ITPR3: variants seen among roughly 807,000 people sequenced by gnomAD.
The protein encoded by ITPR3 is inositol 1,4,5-trisphosphate receptor type 3.
In ITPR3, 173 loss-of-function variants were observed where a neutral mutation model predicts 293.2. The ratio of observed to expected loss-of-function variants is 0.59; its 90% CI spans 0.52 to 0.67. The LOEUF is 0.67. Among genes scored for constraint, ITPR3 ranks in the 30% least tolerant of loss-of-function variants. The probability of loss-of-function intolerance (pLI) is 0.00; values close to 1 mark genes in which losing one functional copy is unlikely to be tolerated. For missense variants in ITPR3, 2,796 were observed against 3,592.1 expected (o/e 0.78, Z 5.66); for synonymous variants, 1,295 against 1,444.4 (o/e 0.90, Z 2.35).
In ITPR3 at chr6:33,670,363, G is replaced by T. The variant is rs1764722246; in HGVS notation, c.2228G>T (p.Arg743Leu). 2.5e-6 allele frequency: 4 copies of T among 1,614,040 alleles called. 1 individual carries two copies. The highest frequency in any genetic ancestry group is 3.4e-6 in the Non-Finnish European group (4 of 1,180,038). Reference protein sequence around the residue: ...LKLFARMCLDRQYLAIDEISQ... With the variant: ...LKLFARMCLDLQYLAIDEISQ... ...CTCTTTGCCCGCATGTGCTTGGACC[G>T]CCAGTACTTGGCCATCGACGAGATC... The change falls in exon 19 of 58, where the codon CGC becomes CTC. Residue 743 changes from arginine (R) to leucine (L), a missense_variant. Arg to Leu is a moderately radical substitution (Grantham distance 102). Transcript: ENST00000605930. This position sits in a 1 kb window ranked among gnomAD's most constrained non-coding sequence, Gnocchi z 6.7.
rs1400035223 is a variant in ITPR3, at chr6:33,692,202, ACAG to A, written c.7458+278_7458+280del. Among the ~76,000 whole-genome samples, 1 of 152,220 alleles carries A rather than the reference ACAG, an allele frequency of 6.6e-6. No homozygotes were observed. Among genetic ancestry groups the A allele is most frequent in the Non-Finnish European group, 1.5e-5 (1 of 68,040 alleles). On this transcript the variant is annotated intron_variant, in intron 54 of 57. Coordinates refer to ENST00000605930, the MANE Select transcript of ITPR3 (RefSeq NM_002224.4). The surrounding 1 kb of genome is among the most constrained non-coding windows in gnomAD (Gnocchi z 4.2). Reference sequence around the variant, plus strand: ...TGGTGACCACTGGCTTTCCTAGCCCACAGCAGGTGGGCAGAGGGCGGAGCTGAG... The same window carrying A: ...TGGTGACCACTGGCTTTCCTAGCCCACAGGTGGGCAGAGGGCGGAGCTGAG...
At position 33,632,122 on chromosome 6, in the gene ITPR3, G is replaced by A. The variant is rs1763698023; in HGVS notation, c.90-8362G>A. On this transcript the variant is annotated intron_variant, in intron 1 of 57. Transcript: ENST00000605930. The surrounding 1 kb of genome is among the most constrained non-coding windows in gnomAD (Gnocchi z 4.1). ...ACCCACAGCCAGTGTCTGGGGCTGG[G>A]AGCCAGAAGACCTGGGATCTGGAAC... 6.6e-6 allele frequency among the ~76,000 whole-genome samples: 1 copy of A among 152,050 alleles called. No individual in the cohort carries two copies. The highest frequency in any genetic ancestry group is 2.1e-4 in the South Asian group (1 of 4,818).
In ITPR3 at chr6:33,640,539, C is replaced by G; in HGVS notation, c.145C>G (p.Pro49Ala). ...CGCGGCCGGGGACCTGGACAACCCC[C>G]CTAAGAAGTTCCGTGGTAAGACCTC... is the stretch of plus-strand genomic sequence containing the variant. The part of the protein sequence containing the change: ...EPAAGDLDNP[P>A]KKFRDCLFKV... The change falls in exon 2 of 58, where the codon CCT becomes GCT. Residue 49 changes from proline to alanine, a missense_variant. Pro to Ala is a conservative substitution (Grantham distance 27, BLOSUM62 -1). Around this residue, in one of 8 missense-constraint regions of ITPR3, gnomAD observed 53 missense variants for 45.7 expected, o/e 1.16. Coordinates refer to ENST00000605930, the MANE Select transcript of ITPR3 (RefSeq NM_002224.4). 1 of 1,613,356 alleles carries G rather than the reference C, an allele frequency of 6.2e-7. No individual in the cohort carries two copies. Among genetic ancestry groups the G allele is most frequent in the Non-Finnish European group, 8.5e-7 (1 of 1,179,630 alleles).
chr6:33,684,626 A>G lies in ITPR3; in HGVS notation c.5075A>G (p.Gln1692Arg), dbSNP rs762408462. 6.2e-7 allele frequency: 1 copy of G among 1,614,130 alleles called. No homozygotes were observed. Among genetic ancestry groups the G allele is most frequent in the East Asian group, 2.2e-5 (1 of 44,886 alleles). Residue 1692 changes from glutamine to arginine, a missense_variant, in exon 38 of 58, where the codon CAA (glutamine) becomes CGA (arginine). Transcript: ENST00000605930. This position sits in a 1 kb window ranked among gnomAD's most constrained non-coding sequence, Gnocchi z 4.2. ...RGNQLRKMLL[Q>R]NYLQNRKSTS... ...AACCAGCTGCGCAAGATGCTGCTGC[A>G]AAACTACCTCCAGAACCGGAAGTCC...
chr6:33,685,881 G>T (rs1339154787), intron 41 of ITPR3, 54 bp downstream of exon 41: 14 of 1,546,800 alleles, frequency 9.1e-6, no homozygotes, highest in Non-Finnish European at 1.1e-5. Flanking sequence ...CCGGCATGCA[G>T]ACTAGGCAGT....
Position 33,680,428 on chromosome 6 carries a change from G to C in ITPR3, c.4324G>C (p.Glu1442Gln), listed in dbSNP as rs1261500702. ...CAGCAACCACATCTGGACGCTCTTT[G>C]AGAACTTCACCCTGGACATGGCCCG... The part of the protein sequence containing the change: ...YTSNHIWTLF[E>Q]NFTLDMARVC... The change falls in exon 32 of 58, where the codon GAG (glutamate) becomes CAG (glutamine). Residue 1442 changes from glutamate to glutamine, a missense_variant. Coordinates refer to ENST00000605930, the MANE Select transcript of ITPR3 (RefSeq NM_002224.4). The C allele has an allele frequency of 6.2e-7, 1 of 1,613,568 alleles. No individual in the cohort carries two copies. The highest frequency in any genetic ancestry group is 2.2e-5 in the East Asian group (1 of 44,888).
chr6:33,646,371 C>T (rs1582113973), intron 2 of ITPR3, among the ~76,000 whole-genome samples: 1 of 106,608 alleles, frequency 9.4e-6, no homozygotes, highest in Admixed American at 1.3e-4. Context: ...TTCCCACCCC[C>T]CACCCCCTCC....
Position 33,687,400 on chromosome 6 carries a change from C to T in ITPR3, c.6177+73C>T. The T allele has an allele frequency of 3.3e-6, 5 of 1,497,802 alleles. No individual in the cohort carries two copies. The highest frequency in any genetic ancestry group is 1.2e-5 in the South Asian group (1 of 84,498). The allele number at this position is 1,497,802 out of a possible 1,614,324, so 92.8% of individuals were successfully genotyped here. On this transcript the variant is annotated intron_variant, in intron 45 of 57. Transcript: ENST00000605930. The surrounding 1 kb of genome is among the most constrained non-coding windows in gnomAD (Gnocchi z 5.3). ...ACCCCGCCCCAGCTGCCATCATCCC[C>T]CAGTCGCCATTGTCGCCCCCCAGCC...
intron 33 of ITPR3, among the ~76,000 whole-genome samples, chr6:33,680,991 T>G (rs1765060912): frequency 6.6e-6 from 1 of 151,996 alleles, no homozygotes; most frequent in African/African-American, 2.4e-5. Flanking sequence ...CAGCTAATTT[T>G]TGCATTTTTA....
Position 33,668,984 on chromosome 6 carries a change from G to C in ITPR3, c.2017G>C (p.Val673Leu), listed in dbSNP as rs375749310. The C allele has an allele frequency of 6.2e-7, 1 of 1,613,590 alleles. No individual in the cohort carries two copies. The highest frequency in any genetic ancestry group is 1.1e-5 in the South Asian group (1 of 91,080). Residue 673 changes from valine to leucine, a missense_variant, in exon 18 of 58, where the codon GTG becomes CTG. By Grantham distance (32) the Val-to-Leu change is conservative (BLOSUM62 1). Around this residue, in one of 8 missense-constraint regions of ITPR3, gnomAD observed 955 missense variants for 1,180.8 expected, o/e 0.81. Coordinates refer to ENST00000605930, the MANE Select transcript of ITPR3 (RefSeq NM_002224.4). ...GCTGGTGGTCTGCAGGCTTCGGCCC[G>C]TGAAGGAGATGGCCCAATCCCACGA... ...DILIRTELRP[V>L]KEMAQSHEYL...
At chr6:33,680,958 C>T (rs1333293613) in intron 33 of ITPR3, among the ~76,000 whole-genome samples, 1 of 151,648 alleles carries the variant, frequency 6.6e-6, no homozygotes, top group African/African-American at 2.4e-5. Flanking sequence ...GTAGCTGGGA[C>T]TACAGGTGCC....
At position 33,688,057 on chromosome 6, in the gene ITPR3, C is replaced by T; in HGVS notation, c.6265C>T (p.Leu2089Phe). ...ACCTCCGCGCCCTCCCCACCTCCAG[C>T]TCAGCCTCAACAACAAGCAGCTGTC... ...EEEAEGISSM[L>F]SLNNKQLSQM... Residue 2089 changes from leucine (L) to phenylalanine (F), a missense_variant and splice_region_variant, in exon 47 of 58, where the codon CTC becomes TTC. Physicochemically the swap from Leu to Phe is conservative, Grantham distance 22 (BLOSUM62 0). Transcript: ENST00000605930. The T allele has an allele frequency of 6.2e-7, 1 of 1,613,096 alleles. No homozygotes were observed. Among genetic ancestry groups the T allele is most frequent in the African/African-American group, 1.3e-5 (1 of 75,044 alleles).
In ITPR3 at chr6:33,690,116, A is replaced by G; in HGVS notation, c.6950A>G (p.Asp2317Gly). Residue 2317 changes from aspartate (D) to glycine (G), a missense_variant, in exon 51 of 58, where the codon GAC becomes GGC. Transcript: ENST00000605930. ...FIRGYKAMVM[D>G]MEFLYHVGYI... ...CGGGGCTATAAGGCCATGGTCATGG[A>G]CATGGAATTCCTCTACCACGTGGGC... 1 of 1,614,102 alleles carries G rather than the reference A, an allele frequency of 6.2e-7. No individual in the cohort carries two copies. The highest frequency in any genetic ancestry group is 8.5e-7 in the Non-Finnish European group (1 of 1,180,006).
Position 33,659,104 on chromosome 6 carries a change from C to T in ITPR3, c.612C>T (p.Asn204=), listed in dbSNP as rs142938900. Residue 204 remains asparagine (N), a synonymous_variant, in exon 6 of 58, where the codon AAC becomes AAT. Transcript: ENST00000605930. ...CCAGCAATTACGAGCTCAGCGACAA[C>T]GCCGGCTGCAAGGAGGTGAGGGGGT... ...LHASNYELSD[N]AGCKEVNSVN... is the part of the protein sequence containing the mutation. 44 of 1,613,768 alleles carry T rather than the reference C, an allele frequency of 2.7e-5. No homozygotes were observed. The highest frequency in any genetic ancestry group is 8.3e-5 in the Admixed American group (5 of 59,986).
chr6:33,621,464 GC>G lies in ITPR3; in HGVS notation c.-135del. The G allele has an allele frequency of 1.8e-6, 1 of 550,786 alleles. No individual in the cohort carries two copies. Among genetic ancestry groups the G allele is most frequent in the Non-Finnish European group, 3.1e-6 (1 of 323,764 alleles). The allele number at this position is 550,786 out of a possible 1,614,324, so 34.1% of individuals were successfully genotyped here. The stretch of plus-strand genomic sequence containing the variant: ...TCCTGGCTCCCGTGGCCGCCAGCCC[GC>G]CCCGGCCGCACCGAGCGTCGGGATC... On this transcript the variant is annotated 5_prime_UTR_variant, in exon 1 of 58. Coordinates refer to ENST00000605930, the MANE Select transcript of ITPR3 (RefSeq NM_002224.4). The surrounding 1 kb of genome is among the most constrained non-coding windows in gnomAD (Gnocchi z 7.7).
At chr6:33,651,292 A>C (rs1042808922) in intron 2 of ITPR3, among the ~76,000 whole-genome samples, 2 of 151,734 alleles carry the variant, frequency 1.3e-5, no homozygotes, top group African/African-American at 4.8e-5. Context: ...AAAAAAAAAA[A>C]AAAGAAAAGT....
Position 33,688,358 on chromosome 6 carries a change from C to G in ITPR3, c.6495C>G (p.Gly2165=). 4 of 1,610,806 alleles carry G rather than the reference C, an allele frequency of 2.5e-6. No individual in the cohort carries two copies. The highest frequency in any genetic ancestry group is 3.4e-6 in the Non-Finnish European group (4 of 1,179,398). The part of the protein sequence containing the change: ...LFTTTEQDEQ[G]SKVSDFFDQS... ...CCACTACTGAGCAGGACGAGCAGGGCAGCAAAGTGAGCGACTTCTTCGACC... is the reference window on the plus strand; with the variant it reads ...CCACTACTGAGCAGGACGAGCAGGGGAGCAAAGTGAGCGACTTCTTCGACC... The change falls in exon 48 of 58, where the codon GGC becomes GGG. Residue 2165 remains glycine, a synonymous_variant. Transcript: ENST00000605930.
Position 33,679,558 on chromosome 6 carries a change from G to T in ITPR3, c.3973-324G>T, listed in dbSNP as rs1161271306. On this transcript the variant is annotated intron_variant, in intron 30 of 57. Transcript: ENST00000605930. The surrounding 1 kb of genome is among the most constrained non-coding windows in gnomAD (Gnocchi z 4.2). Reference sequence around the variant, plus strand: ...AGTGAGGAGGGTTTAAGTAACTGCTGCGGGAGCACAGGGGAGGGAGGGGGT... The same window carrying T: ...AGTGAGGAGGGTTTAAGTAACTGCTTCGGGAGCACAGGGGAGGGAGGGGGT... Among the ~76,000 whole-genome samples, 3 of 152,208 alleles carry T rather than the reference G, an allele frequency of 2.0e-5. No individual in the cohort carries two copies. Among genetic ancestry groups the T allele is most frequent in the Admixed American group, 2.0e-4 (3 of 15,282 alleles).
At position 33,690,955 on chromosome 6, in the gene ITPR3, C is replaced by A; in HGVS notation, c.7071C>A (p.Asn2357Lys). 6.2e-7 allele frequency: 1 copy of A among 1,614,200 alleles called. No individual in the cohort carries two copies. The highest frequency in any genetic ancestry group is 8.5e-7 in the Non-Finnish European group (1 of 1,180,034). ...DLIYREETLF[N>K]VIKSVTRNGR... ...TCTACCGCGAGGAGACGCTGTTCAA[C>A]GTCATCAAGAGTGTGACCCGCAATG... Residue 2357 changes from asparagine to lysine, a missense_variant, in exon 52 of 58, where the codon AAC becomes AAA. Asn to Lys is a moderately conservative substitution (Grantham distance 94, BLOSUM62 0). Around this residue, in one of 8 missense-constraint regions of ITPR3, gnomAD observed 568 missense variants for 796.1 expected, o/e 0.71. Coordinates refer to ENST00000605930, the MANE Select transcript of ITPR3 (RefSeq NM_002224.4).
Sources: allele counts gnomAD v4.1 joint callset (sites outside exome capture counted in the v4.1 genomes callset), GRCh38; gene constraint gnomAD v4.1.1; regional missense constraint gnomAD v4.1.1; non-coding constraint Gnocchi (gnomAD v3.1); transcripts MANE v1.5; gene names NCBI Gene and HGNC (gene_info 2026-07-23, HGNC 2026-07-21).